The following NLRP2 variants were observed in gnomAD, a reference collection of about 807,000 sequenced individuals.
NLRP2 encodes NLR family pyrin domain containing 2.
A neutral mutation model predicts 97.2 loss-of-function variants in NLRP2; 107 were observed. The observed-to-expected ratio is 1.10, with a 90% CI of 0.94 to 1.29. NLRP2 has a LOEUF of 1.29. NLRP2 is among the 50% of genes most tolerant of loss of function. NLRP2 has a pLI of 0.00. For synonymous variants in NLRP2, 663 were observed against 551.5 expected (o/e 1.20, Z -2.83); for missense variants, 1,495 against 1,330.3 (o/e 1.12, Z -1.93).
chr19:54,993,949 T>G, intron 10 of NLRP2: 1 of 458,420 alleles, frequency 2.2e-6, no homozygotes, highest in Non-Finnish European at 4.0e-6. Context: ...TCACGTCACC[T>G]CCTGCTGGCT....
upstream of NLRP2, chr19:54,965,444 T>G (rs1211645271): frequency 1.8e-4 from 18 of 98,536 alleles, 3 homozygotes; most frequent in African/African-American, 8.1e-4. Context: ...TTGGTAAAAT[T>G]TCTCCTTTTA....
intron 11 of NLRP2, among the ~76,000 whole-genome samples, chr19:54,995,593 A>C (rs1235476760): frequency 2.6e-5 from 4 of 151,926 alleles, no homozygotes; most frequent in Non-Finnish European, 5.9e-5. Flanking sequence ...TCAGGAAAAA[A>C]TAAAAAAGAG....
rs2073162505 is a variant in NLRP2 at position 55,001,022 on chromosome 19, T to C, written c.*124T>C. On this transcript the variant is annotated 3_prime_UTR_variant, in exon 13 of 13. Coordinates refer to ENST00000448584, the MANE Select transcript of NLRP2 (RefSeq NM_017852.5). ...ATAATGAGTTCATTGCTGGGCTAGA[T>C]GTTTTAGCCATGATTCTGCCTCTGT... 2 of 838,994 alleles carry C rather than the reference T, an allele frequency of 2.4e-6. No individual in the cohort carries two copies. The highest frequency in any genetic ancestry group is 3.9e-5 in the Admixed American group (2 of 51,016). The allele number at this position is 838,994 out of a possible 1,614,324, so 52.0% of individuals were successfully genotyped here.
chr19:54,998,614 T>TTTTTTTTTTTTCC (rs2072985858), intron 12 of NLRP2, among the ~76,000 whole-genome samples: 1 of 105,508 alleles, frequency 9.5e-6, no homozygotes, highest in Non-Finnish European at 1.9e-5. Flanking sequence ...CTTTTTTCTT[T>TTTTTTTTTTTTCC]TTTTTTTTTT....
In NLRP2 at chr19:54,990,522, C is replaced by T; in HGVS notation, c.2558C>T (p.Thr853Ile). 1 of 1,614,180 alleles carries T rather than the reference C, an allele frequency of 6.2e-7. No individual in the cohort carries two copies. Among genetic ancestry groups the T allele is most frequent in the African/African-American group, 1.3e-5 (1 of 75,046 alleles). Residue 853 changes from threonine to isoleucine, a missense_variant, in exon 10 of 13, where the codon ACA (threonine) becomes ATA (isoleucine). Transcript: ENST00000448584. ...TGTAGGTTGGAAAACTGTCACCTTA[C>T]AGAAGCCAATTGCAAGGACCTTGCT... The part of the protein sequence containing the change: ...QRLSLENCHL[T>I]EANCKDLAAV...
intron 2 of NLRP2, among the ~76,000 whole-genome samples, chr19:54,972,270 C>G (rs565404765): frequency 2.3e-4 from 35 of 152,172 alleles, no homozygotes; most frequent in African/African-American, 7.9e-4. Context: ...CAACTCCCGC[C>G]CCCTGGGTTC....
At chr19:54,995,566 A>G (rs2146540238) in intron 11 of NLRP2, among the ~76,000 whole-genome samples, 1 of 151,874 alleles carries the variant, frequency 6.6e-6, no homozygotes, top group Admixed American at 6.6e-5. Context: ...CCTGGGCTAC[A>G]AGAGCAAGAC....
intron 6 of NLRP2, among the ~76,000 whole-genome samples, chr19:54,984,329 G>GTGTGTTGTTTTTTTTTTTTTTTTT: frequency 3.3e-4 from 26 of 79,674 alleles, no homozygotes; most frequent in Non-Finnish European, 5.8e-4. Context: ...TTTTTTTTGT[G>GTGTGTTGTTTTTTTTTTTTTTTTT]TTTTTTTTTT....
Position 54,982,443 on chromosome 19 carries a change from G to A in NLRP2, c.745G>A (p.Glu249Lys). The A allele has an allele frequency of 6.2e-7, 1 of 1,614,164 alleles. No individual in the cohort carries two copies. Among genetic ancestry groups the A allele is most frequent in the Non-Finnish European group, 8.5e-7 (1 of 1,180,038 alleles). ...FKYAFYLSCR[E>K]LSRLGPCSFA... ...ATATGCGTTCTACCTCAGCTGCAGG[G>A]AGCTCAGCCGCCTGGGCCCGTGCAG... The change falls in exon 6 of 13, where the codon GAG becomes AAG. Residue 249 changes from glutamate to lysine, a missense_variant. By Grantham distance (56) the Glu-to-Lys change is moderately conservative. Coordinates refer to ENST00000448584, the MANE Select transcript of NLRP2 (RefSeq NM_017852.5).
intron 7 of NLRP2, 77 bp from the exon 8 acceptor site, chr19:54,986,074 A>T: frequency 1.1e-6 from 1 of 941,118 alleles, no homozygotes; most frequent in Admixed American, 1.9e-5. Flanking sequence ...GTTTAAATAT[A>T]TCGAGCCCCT....
At position 54,976,073 on chromosome 19, in the gene NLRP2, A is replaced by G. The variant is rs116645712; in HGVS notation, c.325+1529A>G. Among the ~76,000 whole-genome samples, 1,201 of 150,658 alleles carry G rather than the reference A, an allele frequency of 8.0e-3. 14 individuals carry two copies. The highest frequency in any genetic ancestry group is 0.028 in the African/African-American group (1,147 of 41,004). On this transcript the variant is annotated intron_variant, in intron 3 of 12. Coordinates refer to ENST00000448584, the MANE Select transcript of NLRP2 (RefSeq NM_017852.5). ...CATGAAGACTTTTTTTTTTTGGACAAAGTCTCACTCTGTTGCCCAGGATGG... is the reference window on the plus strand; with the variant it reads ...CATGAAGACTTTTTTTTTTTGGACAGAGTCTCACTCTGTTGCCCAGGATGG...
intron 12 of NLRP2, among the ~76,000 whole-genome samples, chr19:54,999,904 C>T (rs1021328709): frequency 1.3e-5 from 2 of 151,872 alleles, no homozygotes; most frequent in South Asian, 2.1e-4. Context: ...ACCCAACTAA[C>T]TTTTATATTT....
chr19:54,992,283 GTAACTAATCT>G (rs1390623969), intron 10 of NLRP2, among the ~76,000 whole-genome samples: 1 of 151,974 alleles, frequency 6.6e-6, no homozygotes, highest in Non-Finnish European at 1.5e-5. Flanking sequence ...TTCCTATGAA[GTAACTAATCT>G]AGGATATGTA....
intron 11 of NLRP2, among the ~76,000 whole-genome samples, chr19:54,994,649 C>T (rs577403113): frequency 6.6e-6 from 1 of 150,788 alleles, no homozygotes; most frequent in Non-Finnish European, 1.5e-5. Flanking sequence ...TTGCTCTTGT[C>T]ACATAGGCTG....
At chr19:54,996,666 A>T (rs1301557782) in intron 11 of NLRP2, among the ~76,000 whole-genome samples, 4 of 151,666 alleles carry the variant, frequency 2.6e-5, no homozygotes, top group African/African-American at 9.7e-5. Flanking sequence ...TCCCTGTCTC[A>T]CTCATGCCCG....
chr19:54,977,004 G>A (rs1200734034), intron 3 of NLRP2: 26 of 334,564 alleles, frequency 7.8e-5, no homozygotes, highest in Non-Finnish European at 1.3e-4. Flanking sequence ...TAGTAGAGAC[G>A]GGGCTTCACC....
chr19:54,986,483 T>C, intron 8 of NLRP2, 168 bp downstream of exon 8: 1 of 683,360 alleles, frequency 1.5e-6, no homozygotes, highest in South Asian at 1.6e-5. Context: ...TCTACTTGCC[T>C]TGAACAGTAA....
rs1212306219 is a variant in NLRP2, at chr19:54,998,616, T to C, written c.3050+1129T>C. On this transcript the variant is annotated intron_variant, in intron 12 of 12. Coordinates refer to ENST00000448584, the MANE Select transcript of NLRP2 (RefSeq NM_017852.5). ...TTTTGGGGTGCATCTTTTTTCTTTT[T>C]TTTTTTTTTTTTTCCTTTTTTTTTT... 1.4e-3 allele frequency among the ~76,000 whole-genome samples: 177 copies of C among 123,240 alleles called. 1 individual carries two copies. The highest frequency in any genetic ancestry group is 2.2e-3 in the Non-Finnish European group (133 of 61,342). The allele number at this position is 123,240 out of a possible 152,430, so 80.9% of individuals were successfully genotyped here. A position where few individuals can be genotyped will look rare whatever the true frequency, so the allele number is the denominator to read the frequency against.
At chr19:54,965,759 T>C (rs1487291794), upstream of NLRP2, among the ~76,000 whole-genome samples, 1 of 69,226 alleles carries the variant, frequency 1.4e-5, no homozygotes, top group Admixed American at 1.7e-4. Context: ...TTGAAAAAAA[T>C]ACAAAAATTA....
Sources: gnomAD v4.1 joint callset for allele counts (sites outside exome capture counted in the v4.1 genomes callset) on GRCh38, gnomAD v4.1.1 for gene constraint, MANE v1.5 for transcripts, NCBI Gene and HGNC (gene_info 2026-07-23, HGNC 2026-07-21) for gene names.